Variants in SEL1L observed in about 807,000 individuals in gnomAD.
SEL1L encodes the protein SEL1L adaptor subunit of SYVN1 ubiquitin ligase.
Under a neutral mutation model 109.8 loss-of-function variants are expected in SEL1L, and 52 were observed. The observed-to-expected ratio is 0.47, with a 90% confidence interval of 0.38 to 0.60. The LOEUF is 0.60. Among genes scored for constraint, SEL1L ranks in the 20% least tolerant of loss-of-function variants. The pLI, the probability that SEL1L is intolerant of heterozygous loss-of-function variation, is 0.00. For missense variants in SEL1L, 749 were observed against 962.2 expected, an observed-to-expected ratio of 0.78 and a Z score of 2.93; for synonymous variants, 373 against 339.6, an observed-to-expected ratio of 1.10 and a Z score of -1.08.
intron 3 of SEL1L, among the ~76,000 whole-genome samples, chr14:81,517,739 A>C (rs1212102802): frequency 6.6e-6 from 1 of 152,226 alleles, no homozygotes; most frequent in South Asian, 2.1e-4. Context: ...AAACACCTGT[A>C]ATTTTGTAAA....
At chr14:81,504,175 A>G in intron 5 of SEL1L, 26 bp downstream of exon 5, 1 of 1,420,634 alleles carries the variant, frequency 7.0e-7, no homozygotes, top group Non-Finnish European at 9.6e-7. Flanking sequence ...TCATGGGGGA[A>G]AAGTGGACTT....
rs752330318 is a variant in SEL1L, at chr14:81,502,839, T to C, written c.659A>G (p.Lys220Arg). Residue 220 changes from lysine (K) to arginine (R), a missense_variant, in exon 6 of 21, where the codon AAA (lysine) becomes AGA (arginine). Physicochemically the swap from Lys to Arg is conservative, Grantham distance 26 (BLOSUM62 2). Transcript: ENST00000336735. ...LQKAASMNHT[K>R]ALERVSYALL... ...AGCATATGACACTCTCTCCAGGGCT[T>C]TGGTATGGTTCATGCTTGCTGCCTT... The C allele has an allele frequency of 1.9e-6, 3 of 1,614,096 alleles. No individual in the cohort carries two copies. Among genetic ancestry groups the C allele is most frequent in the South Asian group, 1.1e-5 (1 of 91,072 alleles).
At chr14:81,518,653 T>C (rs1246355153) in intron 3 of SEL1L, among the ~76,000 whole-genome samples, 1 of 136,126 alleles carries the variant, frequency 7.3e-6, no homozygotes, top group Non-Finnish European at 1.5e-5. Context: ...AGAGCGAGAC[T>C]TCGTCTAAAA....
chr14:81,509,734 A>C (rs367723781), intron 3 of SEL1L, among the ~76,000 whole-genome samples: 1 of 152,204 alleles, frequency 6.6e-6, no homozygotes, highest in East Asian at 1.9e-4. Context: ...GGATTAATAC[A>C]ATCTCTTCAA....
At chr14:81,495,218 G>C in intron 10 of SEL1L, 81 bp from the exon 11 acceptor site, 1 of 1,292,880 alleles carries the variant, frequency 7.7e-7, no homozygotes, top group Non-Finnish European at 1.1e-6. Flanking sequence ...GAAATGATTT[G>C]GTCGTAAAAT....
intron 13 of SEL1L, 38 bp downstream of exon 13, chr14:81,490,350 T>G (rs1421239446): frequency 7.0e-7 from 1 of 1,426,220 alleles, no homozygotes; most frequent in Non-Finnish European, 9.9e-7. Context: ...ATATTAGTAA[T>G]ATGGTACACA....
intron 10 of SEL1L, among the ~76,000 whole-genome samples, chr14:81,495,844 G>T (rs1566974618): frequency 6.6e-6 from 1 of 152,040 alleles, no homozygotes; most frequent in Non-Finnish European, 1.5e-5. Flanking sequence ...GGTGAGGCAG[G>T]AGAATTGCTT....
chr14:81,472,626 TA>T lies in SEL1L; in HGVS notation c.*4345del, dbSNP rs999304850. ...AACAAACTTTAGATAAATAATATTA[TA>T]ATCAGGCTAAAGTGAATCACGCTTA... On this transcript the variant is annotated 3_prime_UTR_variant, in exon 21 of 21. Coordinates refer to ENST00000336735, the MANE Select transcript of SEL1L (RefSeq NM_005065.6). 4 of 448,786 alleles carry T rather than the reference TA, an allele frequency of 8.9e-6. No homozygotes were observed. The highest frequency in any genetic ancestry group is 8.1e-5 in the African/African-American group (4 of 49,314). 27.8% of individuals were successfully genotyped at this position (448,786 alleles called of 1,614,324 possible).
chr14:81,479,994 T>C (rs1903296981), intron 19 of SEL1L, among the ~76,000 whole-genome samples: 1 of 152,082 alleles, frequency 6.6e-6, no homozygotes, highest in African/African-American at 2.4e-5. Context: ...ATATGCTGCA[T>C]ACAGCCATAT....
rs188010502 is a variant in SEL1L at position 81,482,520 on chromosome 14, G to A, written c.2046+1705C>T. Among the ~76,000 whole-genome samples the A allele has an allele frequency of 2.2e-3, 331 of 152,074 alleles. 2 individuals carry two copies. In the Middle Eastern group the frequency reaches 0.037, roughly 17 times the overall value. Reference sequence around the variant, plus strand: ...TACCCCATCTCCATTTAAAAAAAACGACAAAAATCCGTCAGCCTTTCTGAT... The same window carrying A: ...TACCCCATCTCCATTTAAAAAAAACAACAAAAATCCGTCAGCCTTTCTGAT... On this transcript the variant is annotated intron_variant, in intron 19 of 20. Transcript: ENST00000336735.
intron 8 of SEL1L, chr14:81,499,104 A>C (rs764972292): frequency 3.4e-5 from 33 of 963,970 alleles, no homozygotes; most frequent in Non-Finnish European, 4.0e-5. Context: ...ACCATTTACA[A>C]AATTTTGAAA....
intron 6 of SEL1L, among the ~76,000 whole-genome samples, chr14:81,502,473 G>T (rs1468029166): frequency 6.6e-6 from 1 of 152,182 alleles, no homozygotes; most frequent in Admixed American, 6.5e-5. Flanking sequence ...ATTCTCTACA[G>T]ATCTAATTTG....
chr14:81,490,233 G>T (rs1185935165), intron 13 of SEL1L, among the ~76,000 whole-genome samples, 155 bp downstream of exon 13: 2 of 152,202 alleles, frequency 1.3e-5, no homozygotes, highest in African/African-American at 2.4e-5. Flanking sequence ...GGAGGGCTTT[G>T]TTTAATTAAT....
At position 81,479,629 on chromosome 14, in the gene SEL1L, A is replaced by G; in HGVS notation, c.2158T>C (p.Tyr720His). ...CCACTTACGTTTGTTTCCCGTATGT[A>G]CTGCAAGAAATAGACGACGCCCAAT... ...CKLGVVYFLQ[Y>H]IRETNIRDMF... The change falls in exon 20 of 21, where the codon TAC (tyrosine) becomes CAC (histidine). Residue 720 changes from tyrosine (Y) to histidine (H), a missense_variant. By Grantham distance (83) the Tyr-to-His change is moderately conservative. Transcript: ENST00000336735. 3 of 1,613,044 alleles carry G rather than the reference A, an allele frequency of 1.9e-6. No individual in the cohort carries two copies. Among genetic ancestry groups the G allele is most frequent in the Non-Finnish European group, 2.5e-6 (3 of 1,179,638 alleles).
intron 3 of SEL1L, 27 bp downstream of exon 3, chr14:81,526,706 A>C: frequency 6.3e-7 from 1 of 1,588,258 alleles, no homozygotes; most frequent in Non-Finnish European, 8.6e-7. Flanking sequence ...TAAATAAATC[A>C]AAAAGCAAGG....
At chr14:81,490,828 G>A (rs1334420220) in intron 12 of SEL1L, among the ~76,000 whole-genome samples, 3 of 152,202 alleles carry the variant, frequency 2.0e-5, no homozygotes, top group Admixed American at 6.5e-5. Context: ...TTGGGCCCAG[G>A]AGGCTGCAGC....
chr14:81,489,342 A>G (rs1883455650), intron 13 of SEL1L, 28 bp from the exon 14 acceptor site: 1 of 1,592,538 alleles, frequency 6.3e-7, no homozygotes, highest in Non-Finnish European at 8.6e-7. Flanking sequence ...CAGACAAAAG[A>G]GTGAAAAGAA....
intron 12 of SEL1L, among the ~76,000 whole-genome samples, chr14:81,491,964 A>G (rs1188443221): frequency 6.6e-6 from 1 of 151,700 alleles, no homozygotes; most frequent in African/African-American, 2.4e-5. Context: ...TACAATACAC[A>G]AAAAGTAAGA....
At chr14:81,486,557 C>T (rs548033959) in intron 16 of SEL1L, 103 bp from the exon 17 acceptor site, 1 of 1,079,354 alleles carries the variant, frequency 9.3e-7, no homozygotes, top group Non-Finnish European at 1.3e-6. Context: ...AAGCTTGCTC[C>T]TTCAATTTCT....
Sources: allele counts gnomAD v4.1 joint callset (sites outside exome capture counted in the v4.1 genomes callset), GRCh38; gene constraint gnomAD v4.1.1; transcripts MANE v1.5; gene names NCBI Gene and HGNC (gene_info 2026-07-23, HGNC 2026-07-21).